The following PTPRD variants were observed in gnomAD, a reference collection of about 807,000 sequenced individuals.
The protein encoded by PTPRD is receptor-type tyrosine-protein phosphatase delta.
A neutral mutation model predicts 214.5 loss-of-function variants in PTPRD; 34 were observed. The observed-to-expected ratio is 0.16, with a 90% CI of 0.12 to 0.21. The LOEUF is 0.21. Ranked by LOEUF, PTPRD falls within the 10% of genes least tolerant of loss-of-function variation. The probability of loss-of-function intolerance (pLI) is 1.00; values close to 1 mark genes in which losing one functional copy is unlikely to be tolerated. For synonymous variants in PTPRD, 1,128 were observed against 845.7 expected (o/e 1.33, Z -5.79); for missense variants, 2,545 against 2,398.7 (o/e 1.06, Z -1.27).
At position 10,019,652 on chromosome 9, in the gene PTPRD, T is replaced by C. The variant is rs1021180655; in HGVS notation, c.-472+14066A>G. 2.6e-5 allele frequency among the ~76,000 whole-genome samples: 4 copies of C among 152,010 alleles called. 1 individual carries two copies. The highest frequency in any genetic ancestry group is 9.7e-5 in the African/African-American group (4 of 41,382). On this transcript the variant is annotated intron_variant, in intron 4 of 45. Coordinates refer to ENST00000381196, the MANE Select transcript of PTPRD (RefSeq NM_002839.4). ...GGGACATGGATGAAGCTGGAAACCG[T>C]CATTCTCAGCAAACTATCGCAAGGA...
intron 11 of PTPRD, among the ~76,000 whole-genome samples, chr9:8,870,126 TAAAAAAAA>T (rs5896269): frequency 6.5e-5 from 9 of 137,582 alleles, no homozygotes; most frequent in Non-Finnish European, 1.4e-4. Flanking sequence ...TTCCATCAGT[TAAAAAAAA>T]AAAAAAAAGG....
chr9:8,681,170 G>A (rs572436063), intron 12 of PTPRD, among the ~76,000 whole-genome samples: 1 of 152,132 alleles, frequency 6.6e-6, no homozygotes, highest in African/African-American at 2.4e-5. Context: ...CAGCTTCCCT[G>A]ATCAATCATC....
At chr9:8,688,007 T>C (rs948926223) in intron 12 of PTPRD, among the ~76,000 whole-genome samples, 1 of 152,226 alleles carries the variant, frequency 6.6e-6, no homozygotes, top group Non-Finnish European at 1.5e-5. Context: ...AAAATTATTC[T>C]TTATTACAAT....
At chr9:9,855,864 C>T (rs1374796575) in intron 5 of PTPRD, among the ~76,000 whole-genome samples, 1 of 152,190 alleles carries the variant, frequency 6.6e-6, no homozygotes, top group Non-Finnish European at 1.5e-5. Context: ...CGGCTTTAAG[C>T]GCTAGCAGCT....
intron 12 of PTPRD, among the ~76,000 whole-genome samples, chr9:8,695,188 C>G (rs991755208): frequency 3.9e-5 from 6 of 152,128 alleles, no homozygotes; most frequent in Admixed American, 3.3e-4. Flanking sequence ...TATTCAAGAA[C>G]AGAAAAGGAA....
intron 5 of PTPRD, among the ~76,000 whole-genome samples, chr9:9,870,520 T>A (rs1040423224): frequency 7.2e-5 from 11 of 152,030 alleles, no homozygotes; most frequent in Admixed American, 2.0e-4. Context: ...TTGATTATAA[T>A]GTATTTCATT....
intron 3 of PTPRD, among the ~76,000 whole-genome samples, chr9:10,210,868 G>C (rs371580422): frequency 7.2e-5 from 10 of 138,638 alleles, no homozygotes; most frequent in Admixed American, 4.6e-4. Flanking sequence ...TACTCTGCTT[G>C]AACAGCTGTG....
intron 9 of PTPRD, among the ~76,000 whole-genome samples, chr9:9,382,915 A>G (rs2062765854): frequency 1.3e-5 from 2 of 152,098 alleles, no homozygotes; most frequent in Admixed American, 6.6e-5. Flanking sequence ...AATGCCCACC[A>G]ATAGATAAAT....
intron 7 of PTPRD, among the ~76,000 whole-genome samples, chr9:9,595,118 A>C (rs1278590199): frequency 6.6e-6 from 1 of 151,564 alleles, no homozygotes; most frequent in African/African-American, 2.4e-5. Context: ...TGAACAGGGA[A>C]CGCTTCTACG....
chr9:9,944,148 G>A (rs528556130), intron 4 of PTPRD, among the ~76,000 whole-genome samples: 92 of 152,212 alleles, frequency 6.0e-4, no homozygotes, highest in African/African-American at 2.0e-3. Context: ...AGCCTTTGTT[G>A]AGATTGCATT....
At chr9:9,276,665 A>T (rs1001731263) in intron 9 of PTPRD, among the ~76,000 whole-genome samples, 19 of 151,208 alleles carry the variant, frequency 1.3e-4, no homozygotes, top group African/African-American at 4.6e-4. Flanking sequence ...CTACACATGT[A>T]CCTCTTTCTC....
At chr9:9,258,778 C>T (rs771568830) in intron 9 of PTPRD, among the ~76,000 whole-genome samples, 1 of 151,814 alleles carries the variant, frequency 6.6e-6, no homozygotes, top group Non-Finnish European at 1.5e-5. Flanking sequence ...ATTACAAGTT[C>T]AAACTTTTGC....
At chr9:10,406,456 T>C (rs1352279566) in intron 2 of PTPRD, among the ~76,000 whole-genome samples, 1 of 151,576 alleles carries the variant, frequency 6.6e-6, no homozygotes, top group Admixed American at 6.6e-5. Flanking sequence ...AAAAGTGAAC[T>C]GTGTGTACCC....
At chr9:9,685,471 T>G (rs1171500571) in intron 7 of PTPRD, among the ~76,000 whole-genome samples, 1 of 151,386 alleles carries the variant, frequency 6.6e-6, no homozygotes, top group Non-Finnish European at 1.5e-5. Flanking sequence ...CATTTCATGA[T>G]TTAAATGCTT....
At chr9:10,383,559 T>A (rs2097858888) in intron 2 of PTPRD, among the ~76,000 whole-genome samples, 1 of 151,878 alleles carries the variant, frequency 6.6e-6, no homozygotes, top group African/African-American at 2.4e-5. Context: ...GCTGTTCTTA[T>A]TTTAACTCAC....
intron 2 of PTPRD, among the ~76,000 whole-genome samples, chr9:10,499,461 C>G (rs139879328): frequency 6.6e-6 from 1 of 151,834 alleles, no homozygotes; most frequent in African/African-American, 2.4e-5. Flanking sequence ...TCAATCATAC[C>G]GGACAGTTCA....
intron 2 of PTPRD, among the ~76,000 whole-genome samples, chr9:10,568,707 C>T (rs934015199): frequency 2.0e-5 from 3 of 152,128 alleles, no homozygotes; most frequent in African/African-American, 7.2e-5. Context: ...GCTGGGAAAA[C>T]TGGCTAGCCA....
intron 3 of PTPRD, among the ~76,000 whole-genome samples, chr9:10,126,504 C>G (rs1478582941): frequency 1.3e-5 from 2 of 151,340 alleles, no homozygotes; most frequent in African/African-American, 2.4e-5. Context: ...CCACCTAAAA[C>G]TTTAGAATCA....
chr9:9,453,260 C>A (rs2092516757), intron 8 of PTPRD, among the ~76,000 whole-genome samples: 1 of 151,512 alleles, frequency 6.6e-6, no homozygotes, highest in Admixed American at 6.6e-5. Flanking sequence ...ACATGCTTAA[C>A]CTCATTTTAT....
Sources: allele counts gnomAD v4.1 joint callset (sites outside exome capture counted in the v4.1 genomes callset), GRCh38; gene constraint gnomAD v4.1.1; transcripts MANE v1.5; gene names NCBI Gene and HGNC (gene_info 2026-07-23, HGNC 2026-07-21).